Variants in CD82 observed in about 807,000 individuals in gnomAD.
CD82 encodes the protein CD82 antigen.
A neutral mutation model predicts 37.4 loss-of-function variants in CD82; 36 were observed. That is an observed-to-expected ratio of 0.96 (90% CI 0.74 to 1.27). CD82 has a LOEUF of 1.27. CD82 is among the 50% of genes most tolerant of loss of function. The pLI, the probability that CD82 is intolerant of heterozygous loss-of-function variation, is 0.00. For synonymous variants in CD82, 158 were observed against 137.4 expected (o/e 1.15, Z -1.05); for missense variants, 340 against 347.0 (o/e 0.98, Z 0.16).
chr11:44,618,489 C>A, intron 8 of CD82, 124 bp downstream of exon 8: 1 of 1,053,018 alleles, frequency 9.5e-7, no homozygotes. Flanking sequence ...TTTGTACCTT[C>A]ATCTACTTCT....
chr11:44,594,625 C>T lies in CD82; in HGVS notation c.-20-18C>T. On this transcript the variant is annotated intron_variant, in intron 2 of 9. Transcript: ENST00000227155. ...TGAGCTGATCCCCTCACTGGCCTGC[C>T]TGCCTTCTCTCTTCCAGGAAGCTCC... The T allele has an allele frequency of 6.4e-7, 1 of 1,559,520 alleles. No homozygotes were observed. Among genetic ancestry groups the T allele is most frequent in the African/African-American group, 1.4e-5 (1 of 73,992 alleles).
intron 6 of CD82, among the ~76,000 whole-genome samples, chr11:44,614,724 G>T (rs1477613712): frequency 6.6e-6 from 1 of 152,206 alleles, no homozygotes; most frequent in African/African-American, 2.4e-5. Context: ...GAGTGGTCTG[G>T]TAAGGCCTTT....
chr11:44,576,082 T>C (rs1158040134), intron 1 of CD82, among the ~76,000 whole-genome samples: 1 of 152,158 alleles, frequency 6.6e-6, no homozygotes, highest in African/African-American at 2.4e-5. Flanking sequence ...CCACTTCTTA[T>C]CCCCTGACTG....
In CD82 at chr11:44,605,430, G is replaced by T. The variant is rs1465468867; in HGVS notation, c.336+1G>T. 3.1e-6 allele frequency: 5 copies of T among 1,613,830 alleles called. No homozygotes were observed. The South Asian group carries it at 4.4e-5, about 14-fold the overall frequency. On this transcript the variant is annotated splice_donor_variant, in intron 6 of 9. Coordinates refer to ENST00000227155, the MANE Select transcript of CD82 (RefSeq NM_002231.4). LOFTEE classifies it high-confidence loss of function. The stretch of plus-strand genomic sequence containing the variant: ...CCTCTTCTACTTCAACATGGGCAAG[G>T]TAAGCCCCTCTCTCCCTCCCTCTTC...
intron 6 of CD82, 86 bp downstream of exon 6, chr11:44,605,515 C>A: frequency 7.9e-6 from 10 of 1,260,826 alleles, no homozygotes; most frequent in Non-Finnish European, 1.2e-5. Flanking sequence ...CAAGGAACCC[C>A]CCCAGTTGTC....
chr11:44,613,305 G>A (rs1363712568), intron 6 of CD82, among the ~76,000 whole-genome samples: 4 of 152,250 alleles, frequency 2.6e-5, no homozygotes, highest in African/African-American at 9.6e-5. Flanking sequence ...GCTGGCTCTC[G>A]GAGGCTCCCC....
intron 1 of CD82, among the ~76,000 whole-genome samples, chr11:44,583,115 G>T (rs985631326): frequency 1.3e-5 from 2 of 152,248 alleles, no homozygotes; most frequent in African/African-American, 2.4e-5. Context: ...GAATCTGAGT[G>T]TGAGTCTTGG....
At chr11:44,579,245 G>A (rs1275655617) in intron 1 of CD82, among the ~76,000 whole-genome samples, 2 of 152,076 alleles carry the variant, frequency 1.3e-5, no homozygotes, top group Non-Finnish European at 2.9e-5. Context: ...GGTAGAGAGG[G>A]GGCAGGGTGG....
At chr11:44,564,738 G>A (rs145067911), upstream of CD82, among the ~76,000 whole-genome samples, 1 of 152,202 alleles carries the variant, frequency 6.6e-6, no homozygotes, top group Non-Finnish European at 1.5e-5. Context: ...CCCAGCACTG[G>A]TTGTTCTGGG....
intron 3 of CD82, among the ~76,000 whole-genome samples, chr11:44,595,664 A>G (rs1228640234): frequency 6.6e-6 from 1 of 152,036 alleles, no homozygotes; most frequent in Non-Finnish European, 1.5e-5. Flanking sequence ...GCATCTCTGT[A>G]TTTTCCCAAT....
At chr11:44,588,793 C>T (rs2134645086) in intron 2 of CD82, among the ~76,000 whole-genome samples, 1 of 152,230 alleles carries the variant, frequency 6.6e-6, no homozygotes, top group East Asian at 1.9e-4. Context: ...AGGAAGTTTC[C>T]TGGAGGTGGT....
intron 3 of CD82, chr11:44,594,947 C>T (rs1021217836): frequency 1.8e-6 from 1 of 566,168 alleles, no homozygotes; most frequent in African/African-American, 1.9e-5. Context: ...CCTGACCCGG[C>T]CTTCCCCTCT....
At chr11:44,571,780 G>A (rs1350940237) in intron 1 of CD82, among the ~76,000 whole-genome samples, 1 of 152,124 alleles carries the variant, frequency 6.6e-6, no homozygotes, top group African/African-American at 2.4e-5. Context: ...TCACCATATT[G>A]ATCAGGCTGC....
intron 4 of CD82, among the ~76,000 whole-genome samples, chr11:44,603,515 C>T (rs921241362): frequency 2.6e-5 from 4 of 152,154 alleles, no homozygotes; most frequent in African/African-American, 7.2e-5. Context: ...AGATTAAAAA[C>T]GCAGGTCCTT....
At chr11:44,598,400 ATTTTTTTTTTTTTTTT>A (rs71038809) in intron 3 of CD82, among the ~76,000 whole-genome samples, 17 of 58,882 alleles carry the variant, frequency 2.9e-4, no homozygotes, top group Admixed American at 2.5e-3. Context: ...TTTGGCCTTA[ATTTTTTTTTTTTTTTT>A]TTTTTTTTTT....
chr11:44,584,185 G>A (rs567626240), intron 1 of CD82, among the ~76,000 whole-genome samples: 10 of 152,310 alleles, frequency 6.6e-5, no homozygotes, highest in Non-Finnish European at 1.0e-4. Flanking sequence ...GCATCTTGCT[G>A]TTAGAGGTGG....
Position 44,605,100 on chromosome 11 carries a change from T to C in CD82, c.179T>C (p.Ile60Thr). The change falls in exon 5 of 10, where the codon ATC becomes ACC. Residue 60 changes from isoleucine (I) to threonine (T), a missense_variant. Coordinates refer to ENST00000227155, the MANE Select transcript of CD82 (RefSeq NM_002231.4). ...SSLRMGAYVF[I>T]GVGAVTMLMG... The stretch of plus-strand genomic sequence containing the variant: ...CTTAGGATGGGGGCCTATGTCTTCA[T>C]CGGCGTGGGGGCAGTCACTATGCTC... The C allele has an allele frequency of 6.2e-7, 1 of 1,614,178 alleles. No homozygotes were observed. Among genetic ancestry groups the C allele is most frequent in the South Asian group, 1.1e-5 (1 of 91,086 alleles).
At chr11:44,614,236 G>A (rs1853528631) in intron 6 of CD82, among the ~76,000 whole-genome samples, 1 of 152,132 alleles carries the variant, frequency 6.6e-6, no homozygotes, top group African/African-American at 2.4e-5. Context: ...CTCAGTCTTG[G>A]GGCCCCCTCC....
chr11:44,592,430 C>T (rs570418357), intron 2 of CD82, among the ~76,000 whole-genome samples: 99 of 152,306 alleles, frequency 6.5e-4, no homozygotes, highest in African/African-American at 2.2e-3. Flanking sequence ...GGGCATGCCC[C>T]GTATTGTTTA....
Sources: allele counts gnomAD v4.1 joint callset (sites outside exome capture counted in the v4.1 genomes callset), GRCh38; gene constraint gnomAD v4.1.1; transcripts MANE v1.5; gene names NCBI Gene and HGNC (gene_info 2026-07-23, HGNC 2026-07-21).